The following AOAH variants were observed in gnomAD, a reference collection of about 807,000 sequenced individuals.
AOAH encodes acyloxyacyl hydrolase.
AOAH carries 64 observed loss-of-function variants against 92.2 expected under a neutral mutation model. The observed-to-expected ratio is 0.69, with a 90% confidence interval of 0.57 to 0.86. The LOEUF (loss-of-function observed/expected upper bound fraction) is 0.86. Among genes scored for constraint, AOAH ranks in the 40% least tolerant of loss-of-function variants. AOAH has a pLI of 0.00. For missense variants in AOAH, 656 were observed against 694.6 expected (o/e 0.94, Z 0.62); for synonymous variants, 263 against 254.5 (o/e 1.03, Z -0.32).
intron 13 of AOAH, among the ~76,000 whole-genome samples, chr7:36,569,289 G>C (rs537042593): frequency 6.6e-6 from 1 of 152,270 alleles, no homozygotes; most frequent in South Asian, 2.1e-4. Flanking sequence ...TATATTCCAA[G>C]TGAGGAAAGT....
intron 19 of AOAH, among the ~76,000 whole-genome samples, chr7:36,523,284 C>A (rs764669746): frequency 6.6e-6 from 1 of 152,212 alleles, no homozygotes; most frequent in African/African-American, 2.4e-5. Context: ...GAAGAAATAG[C>A]TATTGGTAAG....
intron 13 of AOAH, among the ~76,000 whole-genome samples, chr7:36,565,960 G>C (rs952855464): frequency 6.6e-6 from 1 of 152,162 alleles, no homozygotes; most frequent in African/African-American, 2.4e-5. Flanking sequence ...TAATGACCGT[G>C]TTCTGGGCTA....
chr7:36,662,291 C>T (rs994181128), intron 3 of AOAH, among the ~76,000 whole-genome samples: 1 of 152,204 alleles, frequency 6.6e-6, no homozygotes. Context: ...GTTTATCACC[C>T]TTTTGTGAGC....
At chr7:36,556,989 A>G (rs1441194195) in intron 13 of AOAH, among the ~76,000 whole-genome samples, 1 of 151,536 alleles carries the variant, frequency 6.6e-6, no homozygotes, top group Non-Finnish European at 1.5e-5. Flanking sequence ...TTTACATTTA[A>G]AGTTAATATT....
At chr7:36,542,553 A>G (rs982604027) in intron 15 of AOAH, among the ~76,000 whole-genome samples, 17 of 152,198 alleles carry the variant, frequency 1.1e-4, no homozygotes, top group Admixed American at 1.1e-3. Flanking sequence ...ATAAATGAAT[A>G]TTGGCACTGC....
chr7:36,643,833 CTCTTCCTCCTGCTCTT>C (rs896330856), intron 4 of AOAH, among the ~76,000 whole-genome samples: 38 of 152,126 alleles, frequency 2.5e-4, no homozygotes, highest in African/African-American at 8.7e-4. Flanking sequence ...CCTTTGCTCT[CTCTTCCTCCTGCTCTT>C]GCCATATAAG....
At chr7:36,605,633 T>A (rs1233846343) in intron 11 of AOAH, among the ~76,000 whole-genome samples, 1 of 152,232 alleles carries the variant, frequency 6.6e-6, no homozygotes, top group Non-Finnish European at 1.5e-5. Flanking sequence ...GTAGTTTTCA[T>A]AACAACTGGT....
intron 12 of AOAH, among the ~76,000 whole-genome samples, chr7:36,585,465 TA>T (rs1418362649): frequency 6.6e-6 from 1 of 152,186 alleles, no homozygotes; most frequent in Non-Finnish European, 1.5e-5. Flanking sequence ...ATTAAAAATG[TA>T]AACATTTGGG....
At chr7:36,631,287 C>T (rs1200633828) in intron 6 of AOAH, among the ~76,000 whole-genome samples, 1 of 150,626 alleles carries the variant, frequency 6.6e-6, no homozygotes, top group Non-Finnish European at 1.5e-5. Context: ...GCAGAGGTTG[C>T]AGTGAGCCAT....
At chr7:36,514,661 A>C (rs1790235368) in intron 20 of AOAH, 1 of 1,093,150 alleles carries the variant, frequency 9.1e-7, no homozygotes, top group Non-Finnish European at 1.3e-6. Context: ...CTCCATCTCA[A>C]CAGTGGTTTT....
chr7:36,634,638 A>G (rs1484149158), intron 5 of AOAH, among the ~76,000 whole-genome samples: 1 of 152,130 alleles, frequency 6.6e-6, no homozygotes, highest in African/African-American at 2.4e-5. Context: ...CTGCTACACT[A>G]CAACATTGAC....
Position 36,532,188 on chromosome 7 carries a change from A to G in AOAH, c.1384T>C (p.Trp462Arg), listed in dbSNP as rs771223490. The G allele has an allele frequency of 6.2e-7, 1 of 1,614,216 alleles. No individual in the cohort carries two copies. Among genetic ancestry groups the G allele is most frequent in the Non-Finnish European group, 8.5e-7 (1 of 1,180,034 alleles). Reference sequence around the variant, plus strand: ...CGCAACGTCTTGTTGGAAGACATCCAGCCGTGGCAGGGGCTGACCTGAGAG... The same window carrying G: ...CGCAACGTCTTGTTGGAAGACATCCGGCCGTGGCAGGGGCTGACCTGAGAG... The part of the protein sequence containing the change: ...NCLQVSPCHG[W>R]MSSNKTLRTL... Residue 462 changes from tryptophan (W) to arginine (R), a missense_variant, in exon 18 of 21, where the codon TGG becomes CGG. Physicochemically the swap from Trp to Arg is moderately radical, Grantham distance 101. Coordinates refer to ENST00000617537, the MANE Select transcript of AOAH (RefSeq NM_001637.4).
intron 4 of AOAH, among the ~76,000 whole-genome samples, chr7:36,652,287 G>A (rs563142844): frequency 6.6e-6 from 1 of 152,202 alleles, no homozygotes; most frequent in South Asian, 2.1e-4. Flanking sequence ...GGAAAAATTT[G>A]TGCAATAAAA....
chr7:36,586,145 A>G (rs1789307240), intron 12 of AOAH, among the ~76,000 whole-genome samples: 1 of 151,982 alleles, frequency 6.6e-6, no homozygotes, highest in Admixed American at 6.5e-5. Context: ...TGCCTTTTAG[A>G]TCATCCTATC....
chr7:36,542,192 C>G (rs1785468199), intron 15 of AOAH, among the ~76,000 whole-genome samples: 1 of 152,168 alleles, frequency 6.6e-6, no homozygotes, highest in African/African-American at 2.4e-5. Flanking sequence ...GAAGCAGACA[C>G]TGGGGTTATG....
At chr7:36,531,993 T>C (rs1784721893) in intron 18 of AOAH, among the ~76,000 whole-genome samples, 154 bp downstream of exon 18, 1 of 152,168 alleles carries the variant, frequency 6.6e-6, no homozygotes, top group Non-Finnish European at 1.5e-5. Context: ...CACCAGGTTC[T>C]CTCGGCTCCT....
At chr7:36,569,568 T>TATCC (rs1787972517) in intron 13 of AOAH, among the ~76,000 whole-genome samples, 1 of 21,968 alleles carries the variant, frequency 4.6e-5, no homozygotes. Context: ...CAGATTTACA[T>TATCC]ATCTATCTAT....
chr7:36,555,290 T>G (rs1322751027), intron 13 of AOAH, among the ~76,000 whole-genome samples: 1 of 152,222 alleles, frequency 6.6e-6, no homozygotes, highest in African/African-American at 2.4e-5. Context: ...ATTACATTTA[T>G]TGACTTGCGC....
At chr7:36,668,452 G>A (rs1471017705) in intron 3 of AOAH, among the ~76,000 whole-genome samples, 1 of 152,158 alleles carries the variant, frequency 6.6e-6, no homozygotes, top group Non-Finnish European at 1.5e-5. Context: ...CACTTTCGGA[G>A]GCAGCTGCTT....
Sources: gnomAD v4.1 joint callset for allele counts (sites outside exome capture counted in the v4.1 genomes callset) on GRCh38, gnomAD v4.1.1 for gene constraint, MANE v1.5 for transcripts, NCBI Gene and HGNC (gene_info 2026-07-23, HGNC 2026-07-21) for gene names.